ATN1: variants seen among roughly 807,000 people sequenced by gnomAD.
ATN1 encodes the protein atrophin-1.
ATN1 carries 19 observed loss-of-function variants against 85.8 expected under a neutral mutation model. The observed-to-expected ratio is 0.22, with a 90% CI of 0.15 to 0.32. The LOEUF (loss-of-function observed/expected upper bound fraction) is 0.32, where lower values mean the gene tolerates loss of function less well. ATN1 is among the 10% of genes least tolerant of loss of function. The probability of loss-of-function intolerance (pLI) is 1.00; values close to 1 mark genes in which losing one functional copy is unlikely to be tolerated. For synonymous variants in ATN1, 674 were observed against 657.0 expected (o/e 1.03, Z -0.39); for missense variants, 1,453 against 1,564.5 (o/e 0.93, Z 1.20).
rs1945556485 is a variant in ATN1, at chr12:6,937,201, C to A, written c.1934C>A (p.Ser645Tyr). 6.2e-7 allele frequency: 1 copy of A among 1,611,334 alleles called. No homozygotes were observed. Among genetic ancestry groups the A allele is most frequent in the South Asian group, 1.1e-5 (1 of 91,054 alleles). Residue 645 changes from serine to tyrosine, a missense_variant, in exon 5 of 10, where the codon TCC becomes TAC. Ser to Tyr is a moderately radical substitution (Grantham distance 144, BLOSUM62 -2). Coordinates refer to ENST00000396684, the MANE Select transcript of ATN1 (RefSeq NM_001940.4). The surrounding 1 kb of genome is among the most constrained non-coding windows in gnomAD (Gnocchi z 6.0). ...GPPPYGKRAP[S>Y]PGAYKTATPP... ...CCACCGTACGGAAAGAGAGCCCCGT[C>A]CCCGGGGGCCTACAAGACAGCCACC...
In ATN1 at chr12:6,938,879, C is replaced by G. The variant is rs782659098; in HGVS notation, c.2916C>G (p.Pro972=). The G allele has an allele frequency of 2.5e-6, 4 of 1,614,020 alleles. No individual in the cohort carries two copies. The highest frequency in any genetic ancestry group is 1.7e-6 in the Non-Finnish European group (2 of 1,180,026). ...GVPGPGLDPF[P]RHGGLALQPG... ...CTGGGCCGGGCTTGGATCCCTTTCC[C>G]CGACATGGGGGCCTGGCTCTGCAGC... Residue 972 remains proline (P), a synonymous_variant, in exon 7 of 10, where the codon CCC becomes CCG. Transcript: ENST00000396684.
intron 7 of ATN1, among the ~76,000 whole-genome samples, chr12:6,940,160 T>C (rs962323990): frequency 2.6e-5 from 4 of 152,020 alleles, no homozygotes; most frequent in Non-Finnish European, 5.9e-5. Context: ...TACAGCTAAT[T>C]TTTGTATTTT....
Position 6,941,374 on chromosome 12 carries a change from C to G in ATN1, c.3359C>G (p.Ala1120Gly). The G allele has an allele frequency of 6.3e-7, 1 of 1,598,222 alleles. No individual in the cohort carries two copies. The highest frequency in any genetic ancestry group is 8.5e-7 in the Non-Finnish European group (1 of 1,171,486). Residue 1120 changes from alanine to glycine, a missense_variant and splice_region_variant, in exon 9 of 10, where the codon GCT becomes GGT. Around this residue, in one of 6 missense-constraint regions of ATN1, gnomAD observed 118 missense variants for 163.7 expected, o/e 0.72. Coordinates refer to ENST00000396684, the MANE Select transcript of ATN1 (RefSeq NM_001940.4). This position sits in a 1 kb window ranked among gnomAD's most constrained non-coding sequence, Gnocchi z 5.9. ...ENEVLRHQLF[A>G]APYRDLPASL... Reference sequence around the variant, plus strand: ...TGCCCCTTGCCCTTCCTGCTCACAGCTGCCCCTTACCGGGACCTGCCGGCC... The same window carrying G: ...TGCCCCTTGCCCTTCCTGCTCACAGGTGCCCCTTACCGGGACCTGCCGGCC...
At position 6,941,354 on chromosome 12, in the gene ATN1, C is replaced by T. The variant is rs782278534; in HGVS notation, c.3359-20C>T. On this transcript the variant is annotated intron_variant, in intron 8 of 9. Transcript: ENST00000396684. This position sits in a 1 kb window ranked among gnomAD's most constrained non-coding sequence, Gnocchi z 5.9. ...CTTGTTATCCGTTGGTCATATGCCC[C>T]TTGCCCTTCCTGCTCACAGCTGCCC... 6.3e-7 allele frequency: 1 copy of T among 1,581,618 alleles called. No individual in the cohort carries two copies. Among genetic ancestry groups the T allele is most frequent in the African/African-American group, 1.4e-5 (1 of 73,518 alleles).
chr12:6,934,310 C>T lies in ATN1; in HGVS notation c.162C>T (p.Ala54=), dbSNP rs782631089. 6 of 1,568,948 alleles carry T rather than the reference C, an allele frequency of 3.8e-6. No homozygotes were observed. In the African/African-American group the frequency reaches 8.3e-5, roughly 22 times the overall value. Residue 54 remains alanine (A), a synonymous_variant, in exon 3 of 10, where the codon GCC becomes GCT. Transcript: ENST00000396684. This position sits in a 1 kb window ranked among gnomAD's most constrained non-coding sequence, Gnocchi z 4.5. ...AAGCTGAGAAGTCCAGGCAGACAGC[C>T]AAGGTATTCTGTCCTCAGGTCCTCC... ...DGKAEKSRQT[A]KKARVEEAST...
rs781987472 is a variant in ATN1 at position 6,936,532 on chromosome 12, A to G, written c.1265A>G (p.Asn422Ser). ...FPPPTSLSVS[N>S]QPPKYTQPSL... Reference sequence around the variant, plus strand: ...CCCCCAACAAGCCTCTCTGTCTCCAATCAGCCCCCCAAGTATACTCAGCCT... The same window carrying G: ...CCCCCAACAAGCCTCTCTGTCTCCAGTCAGCCCCCCAAGTATACTCAGCCT... Residue 422 changes from asparagine to serine, a missense_variant, in exon 5 of 10, where the codon AAT becomes AGT. Physicochemically the swap from Asn to Ser is conservative, Grantham distance 46. Coordinates refer to ENST00000396684, the MANE Select transcript of ATN1 (RefSeq NM_001940.4). 14 of 1,573,090 alleles carry G rather than the reference A, an allele frequency of 8.9e-6. No homozygotes were observed. Among genetic ancestry groups the G allele is most frequent in the South Asian group, 4.4e-5 (4 of 90,030 alleles).
chr12:6,937,314 G>A lies in ATN1; in HGVS notation c.2047G>A (p.Gly683Arg), dbSNP rs1008313448. 6.3e-7 allele frequency: 1 copy of A among 1,579,954 alleles called. No individual in the cohort carries two copies. The highest frequency in any genetic ancestry group is 8.6e-7 in the Non-Finnish European group (1 of 1,164,290). The change falls in exon 5 of 10, where the codon GGG becomes AGG. Residue 683 changes from glycine to arginine, a missense_variant. Transcript: ENST00000396684. This position sits in a 1 kb window ranked among gnomAD's most constrained non-coding sequence, Gnocchi z 6.0. ...YRGTSPPAGPGTFKPGSPTVG... is the reference protein window; with the variant it reads ...YRGTSPPAGPRTFKPGSPTVG... The stretch of plus-strand genomic sequence containing the variant: ...AGGAACCTCGCCACCTGCAGGCCCA[G>A]GGACCTTCAAGCCGGGCTCGCCCAC...
In ATN1 at chr12:6,942,136, T is replaced by G; in HGVS notation, c.*356T>G. On this transcript the variant is annotated 3_prime_UTR_variant, in exon 10 of 10. Transcript: ENST00000396684. The stretch of plus-strand genomic sequence containing the variant: ...ATTTCATCTGTTAGATGTGGCTGTT[T>G]TGCGTAGCATCGTGTGCCACCCCTG... 3.0e-6 allele frequency: 1 copy of G among 337,482 alleles called. No homozygotes were observed. The highest frequency in any genetic ancestry group is 5.6e-6 in the Non-Finnish European group (1 of 177,216). 20.9% of individuals were successfully genotyped at this position (337,482 alleles called of 1,614,324 possible).
chr12:6,937,602 A>T lies in ATN1; in HGVS notation c.2294+41A>T. On this transcript the variant is annotated intron_variant, in intron 5 of 9. Coordinates refer to ENST00000396684, the MANE Select transcript of ATN1 (RefSeq NM_001940.4). This position sits in a 1 kb window ranked among gnomAD's most constrained non-coding sequence, Gnocchi z 6.0. ...GGGCGGAGGTGGGCCTGGAAAGGGG[A>T]CGACGACAAGGCGGCGACGAGAGAG... 5 of 1,459,826 alleles carry T rather than the reference A, an allele frequency of 3.4e-6. No individual in the cohort carries two copies. Among genetic ancestry groups the T allele is most frequent in the Non-Finnish European group, 3.6e-6 (4 of 1,107,658 alleles). 90.4% of individuals were successfully genotyped at this position (1,459,826 alleles called of 1,614,324 possible).
chr12:6,933,993 G>A lies in ATN1; in HGVS notation c.-9G>A. 1 of 1,603,070 alleles carries A rather than the reference G, an allele frequency of 6.2e-7. No homozygotes were observed. Among genetic ancestry groups the A allele is most frequent in the Non-Finnish European group, 8.5e-7 (1 of 1,174,792 alleles). On this transcript the variant is annotated 5_prime_UTR_variant, in exon 2 of 10. Transcript: ENST00000396684. ...GGCAGAGGAGAATGGGGTCTCCACA[G>A]CCTGAAGAATGAAGACACGACAGAA...
chr12:6,937,753 G>C lies in ATN1; in HGVS notation c.2295-92G>C. 6.8e-7 allele frequency: 1 copy of C among 1,460,672 alleles called. No individual in the cohort carries two copies. The highest frequency in any genetic ancestry group is 9.0e-7 in the Non-Finnish European group (1 of 1,108,778). 90.5% of individuals were successfully genotyped at this position (1,460,672 alleles called of 1,614,324 possible). ...CAGCCTGCAGGGGTGGTTTTGAGGCGGGGGCTACAAGCACTCGCCGGGGCC... is the reference window on the plus strand; with the variant it reads ...CAGCCTGCAGGGGTGGTTTTGAGGCCGGGGCTACAAGCACTCGCCGGGGCC... On this transcript the variant is annotated intron_variant, in intron 5 of 9. Coordinates refer to ENST00000396684, the MANE Select transcript of ATN1 (RefSeq NM_001940.4). This position sits in a 1 kb window ranked among gnomAD's most constrained non-coding sequence, Gnocchi z 6.0.
chr12:6,938,922 C>T lies in ATN1; in HGVS notation c.2959C>T (p.His987Tyr). 6.2e-7 allele frequency: 1 copy of T among 1,614,052 alleles called. No individual in the cohort carries two copies. The highest frequency in any genetic ancestry group is 2.2e-5 in the East Asian group (1 of 44,876). ...TCTGCAGCCTGGCCCACCTGGCCTG[C>T]ACCCTTTCCCCTTTCATCCGAGCCT... ...LALQPGPPGL[H>Y]PFPFHPSLGP... The change falls in exon 7 of 10, where the codon CAC becomes TAC. Residue 987 changes from histidine to tyrosine, a missense_variant. His to Tyr is a moderately conservative substitution (Grantham distance 83). Coordinates refer to ENST00000396684, the MANE Select transcript of ATN1 (RefSeq NM_001940.4).
Position 6,941,125 on chromosome 12 carries a change from A to C in ATN1, c.3358+102A>C. ...TAGTTGGGCTTGGGGAGGGATGAGG[A>C]GGTGCCTAGAGGAGCTGGGCATGGG... On this transcript the variant is annotated intron_variant, in intron 8 of 9. Transcript: ENST00000396684. The surrounding 1 kb of genome is among the most constrained non-coding windows in gnomAD (Gnocchi z 5.9). 1 of 1,425,742 alleles carries C rather than the reference A, an allele frequency of 7.0e-7. No homozygotes were observed. Among genetic ancestry groups the C allele is most frequent in the Non-Finnish European group, 9.5e-7 (1 of 1,052,924 alleles). 88.3% of individuals were successfully genotyped at this position (1,425,742 alleles called of 1,614,324 possible). A position where few individuals can be genotyped will look rare whatever the true frequency, so the allele number is the denominator to read the frequency against.
At chr12:6,927,569 G>A (rs1397208369), upstream of ATN1, among the ~76,000 whole-genome samples, 1 of 139,612 alleles carries the variant, frequency 7.2e-6, no homozygotes, top group African/African-American at 2.7e-5. Context: ...CCCACATTCC[G>A]CCACGGCTAG....
upstream of ATN1, among the ~76,000 whole-genome samples, chr12:6,926,785 T>C (rs1036064349): frequency 8.5e-5 from 13 of 152,096 alleles, no homozygotes; most frequent in African/African-American, 2.4e-5. Flanking sequence ...CCATTTTCTT[T>C]TCCCATCCAT....
chr12:6,936,671 C>T lies in ATN1; in HGVS notation c.1404C>T (p.Ala468=). 6.2e-7 allele frequency: 1 copy of T among 1,613,734 alleles called. No individual in the cohort carries two copies. Among genetic ancestry groups the T allele is most frequent in the South Asian group, 1.1e-5 (1 of 91,068 alleles). ...HPGPFPPSTG[A]QSTAHPPVST... ...GCCCCTTCCCTCCCTCTACTGGGGC[C>T]CAGTCCACCGCCCACCCACCAGTCT... The change falls in exon 5 of 10, where the codon GCC becomes GCT. Residue 468 remains alanine (A), a synonymous_variant. Transcript: ENST00000396684.
chr12:6,936,728 ACAGCAGCAGCAGCAGCAG>A lies in ATN1; in HGVS notation c.1491_1508del (p.Gln497_Gln502del), dbSNP rs60216939. 10,941 of 1,578,214 alleles carry A rather than the reference ACAGCAGCAGCAGCAGCAG, an allele frequency of 6.9e-3. 266 individuals carry two copies. In the African/African-American group the frequency reaches 0.081, roughly 12 times the overall value. On this transcript the variant is annotated inframe_deletion, in exon 5 of 10. Coordinates refer to ENST00000396684, the MANE Select transcript of ATN1 (RefSeq NM_001940.4). ...ATCACCATCACCACCAGCAACAGCA[ACAGCAGCAGCAGCAGCAG>A]CAGCAGCAGCAGCAGCAGCAGCAGC...
chr12:6,929,229 T>C (rs782029657), intron 1 of ATN1, among the ~76,000 whole-genome samples: 2 of 152,066 alleles, frequency 1.3e-5, no homozygotes, highest in African/African-American at 2.4e-5. Flanking sequence ...TGAGCAACCT[T>C]ACAGGCACTC....
Position 6,938,761 on chromosome 12 carries a change from G to A in ATN1, c.2798G>A (p.Arg933Lys), listed in dbSNP as rs1555144259. Residue 933 changes from arginine to lysine, a missense_variant, in exon 7 of 10, where the codon AGG (arginine) becomes AAG (lysine). By Grantham distance (26) the Arg-to-Lys change is conservative. This residue lies in a region of ATN1 where 208 missense variants were observed against 263.4 expected (regional missense o/e 0.79). Transcript: ENST00000396684. ...LYSSDPAARE[R>K]EREARERDLR... is the part of the protein sequence containing the mutation. ...AGCAGTGATCCAGCTGCCCGGGAGA[G>A]GGAACGGGAAGCCCGTGAACGAGAC... is the stretch of plus-strand genomic sequence containing the variant. 3.7e-6 allele frequency: 6 copies of A among 1,614,056 alleles called. No homozygotes were observed. Among genetic ancestry groups the A allele is most frequent in the Non-Finnish European group, 4.2e-6 (5 of 1,180,042 alleles).
Sources: allele counts gnomAD v4.1 joint callset (sites outside exome capture counted in the v4.1 genomes callset), GRCh38; gene constraint gnomAD v4.1.1; regional missense constraint gnomAD v4.1.1; non-coding constraint Gnocchi (gnomAD v3.1); transcripts MANE v1.5; gene names NCBI Gene and HGNC (gene_info 2026-07-23, HGNC 2026-07-21).